The following SCN3A variants were observed in gnomAD, a reference collection of about 807,000 sequenced individuals.
The protein encoded by SCN3A is sodium voltage-gated channel alpha subunit 3.
SCN3A carries 60 observed loss-of-function variants against 187.6 expected under a neutral mutation model. The observed-to-expected ratio is 0.32, with a 90% CI of 0.26 to 0.40. The LOEUF is 0.40. Among genes scored for constraint, SCN3A ranks in the 10% least tolerant of loss-of-function variants. The pLI is 1.00. For missense variants in SCN3A, 1,601 were observed against 2,428.2 expected, an observed-to-expected ratio of 0.66 and a Z score of 7.16; for synonymous variants, 788 against 829.2, an observed-to-expected ratio of 0.95 and a Z score of 0.85.
At chr2:165,202,198 C>T (rs367567865) in intron 1 of SCN3A, among the ~76,000 whole-genome samples, 5 of 151,942 alleles carry the variant, frequency 3.3e-5, no homozygotes, top group African/African-American at 1.2e-4. Flanking sequence ...TTTGAAAGAG[C>T]GCATTTTGTG....
Position 165,112,918 on chromosome 2 carries a change from A to G in SCN3A, c.3810T>C (p.Asn1270=). Reference sequence around the variant, plus strand: ...TCAAGAAATCTAGCCAGCACCAGGCATTAGTGAAATATGTTTGAAATCCAT... The same window carrying G: ...TCAAGAAATCTAGCCAGCACCAGGCGTTAGTGAAATATGTTTGAAATCCAT... ...VAYGFQTYFT[N]AWCWLDFLIV... Residue 1270 remains asparagine, a synonymous_variant, in exon 21 of 28, where the codon AAT becomes AAC. Coordinates refer to ENST00000283254, the MANE Select transcript of SCN3A (RefSeq NM_006922.4). The G allele has an allele frequency of 1.2e-6, 2 of 1,613,610 alleles. No homozygotes were observed. Among genetic ancestry groups the G allele is most frequent in the Non-Finnish European group, 1.7e-6 (2 of 1,179,752 alleles).
chr2:165,202,584 G>C (rs1186478407), intron 1 of SCN3A, among the ~76,000 whole-genome samples: 1 of 151,894 alleles, frequency 6.6e-6, no homozygotes, highest in Admixed American at 6.6e-5. Context: ...TTTTTGGGGG[G>C]ACTATTATTG....
intron 11 of SCN3A, among the ~76,000 whole-genome samples, chr2:165,152,002 A>C (rs1688712232): frequency 6.6e-6 from 1 of 152,174 alleles, no homozygotes; most frequent in African/African-American, 2.4e-5. Context: ...CTGCCTAACA[A>C]ATTTTCAAAT....
At chr2:165,143,532 A>C (rs1477507925) in intron 12 of SCN3A, among the ~76,000 whole-genome samples, 1 of 152,224 alleles carries the variant, frequency 6.6e-6, no homozygotes, top group Non-Finnish European at 1.5e-5. Context: ...ACAGAGACGG[A>C]AAAAGAAGAT....
At position 165,138,100 on chromosome 2, in the gene SCN3A, G is replaced by A; in HGVS notation, c.2170C>T (p.Gln724Ter). Residue 724 changes from glutamine (Q) to a stop codon, truncating the protein, a stop_gained, in exon 15 of 28, where the codon CAG (glutamine) becomes TAG (stop). Transcript: ENST00000283254. LOFTEE classifies it high-confidence loss of function. Reference protein sequence around the residue: ...NTMEELEESRQKCPPCWYRFA... With the variant: ...NTMEELEESR ...CTATACCAGCATGGCGGACATTTCT[G>A]TCTAGATTCTTCAAGTTCTGGAGGG... 6.2e-7 allele frequency: 1 copy of A among 1,613,182 alleles called. No homozygotes were observed. Among genetic ancestry groups the A allele is most frequent in the Non-Finnish European group, 8.5e-7 (1 of 1,179,308 alleles).
At chr2:165,143,005 G>A (rs1254488897) in intron 12 of SCN3A, among the ~76,000 whole-genome samples, 1 of 152,014 alleles carries the variant, frequency 6.6e-6, no homozygotes, top group East Asian at 1.9e-4. Context: ...GCCCGCCCTG[G>A]CCTCCCAAAG....
rs1211789353 is a variant in SCN3A, at chr2:165,166,388, C to T, written c.474-1868G>A. Reference sequence around the variant, plus strand: ...CTTTCGTGGCTATGCCCACACTAGGCTCATAATCAAGCTGTCAATTCTGTC... The same window carrying T: ...CTTTCGTGGCTATGCCCACACTAGGTTCATAATCAAGCTGTCAATTCTGTC... On this transcript the variant is annotated intron_variant, in intron 5 of 27. Transcript: ENST00000283254. 3.6e-5 allele frequency among the ~76,000 whole-genome samples: 4 copies of T among 110,988 alleles called. No individual in the cohort carries two copies. In the East Asian group the frequency reaches 1.9e-3, roughly 53 times the overall value. The allele number at this position is 110,988 out of a possible 152,430, so 72.8% of individuals were successfully genotyped here.
At chr2:165,135,473 C>A (rs1181683511) in intron 15 of SCN3A, among the ~76,000 whole-genome samples, 2 of 152,048 alleles carry the variant, frequency 1.3e-5, no homozygotes, top group Admixed American at 1.3e-4. Context: ...ATAAACTAGT[C>A]TGTAGATATT....
At chr2:165,125,568 C>G (rs375155642) in intron 18 of SCN3A, among the ~76,000 whole-genome samples, 92 of 152,262 alleles carry the variant, frequency 6.0e-4, no homozygotes, top group African/African-American at 2.1e-3. Flanking sequence ...CCACTCGCCT[C>G]GGCCTCCCAA....
chr2:165,114,981 TA>T (rs1051898558), intron 19 of SCN3A, among the ~76,000 whole-genome samples: 1 of 152,246 alleles, frequency 6.6e-6, no homozygotes, highest in African/African-American at 2.4e-5. Flanking sequence ...ATTAACTTTT[TA>T]AAAGACAAAA....
rs938685287 is a variant in SCN3A, at chr2:165,090,153, C to T, written c.6000G>A (p.Lys2000=). The T allele has an allele frequency of 1.3e-6, 2 of 1,575,444 alleles. No individual in the cohort carries two copies. Among genetic ancestry groups the T allele is most frequent in the Non-Finnish European group, 1.7e-6 (2 of 1,156,626 alleles). ...AAAGATAATTCTTTGTTTCTTTTTA[C>T]TTTTGATTTTCTCTGACCTCTTTTC... ...SKGKEVRENQ[K] The change falls in exon 28 of 28, where the codon AAG becomes AAA. Residue 2000 remains lysine, a synonymous_variant. Coordinates refer to ENST00000283254, the MANE Select transcript of SCN3A (RefSeq NM_006922.4). This position sits in a 1 kb window ranked among gnomAD's most constrained non-coding sequence, Gnocchi z 4.0.
intron 3 of SCN3A, among the ~76,000 whole-genome samples, chr2:165,174,148 A>G (rs1330179809): frequency 2.6e-5 from 4 of 152,190 alleles, no homozygotes; most frequent in Admixed American, 2.6e-4. Context: ...ACCTCAAGCA[A>G]TCCTCCTGCC....
intron 18 of SCN3A, among the ~76,000 whole-genome samples, chr2:165,124,137 AGAG>A (rs1357564835): frequency 6.6e-6 from 1 of 152,106 alleles, no homozygotes; most frequent in Non-Finnish European, 1.5e-5. Context: ...TTAGCTTGAA[AGAG>A]GAGGATAAAG....
At chr2:165,100,258 C>T in intron 22 of SCN3A, 44 bp downstream of exon 22, 1 of 1,594,136 alleles carries the variant, frequency 6.3e-7, no homozygotes, top group Non-Finnish European at 8.6e-7. Flanking sequence ...TCATTACCTA[C>T]ATGTAATTTT....
intron 4 of SCN3A, among the ~76,000 whole-genome samples, chr2:165,169,308 T>C (rs1275990936): frequency 6.6e-6 from 1 of 152,104 alleles, no homozygotes; most frequent in Non-Finnish European, 1.5e-5. Context: ...TTTGTAGTGA[T>C]GTAACTTACT....
chr2:165,134,653 A>G lies in SCN3A; in HGVS notation c.2391+3226T>C, dbSNP rs1252727259. On this transcript the variant is annotated intron_variant, in intron 15 of 27. Coordinates refer to ENST00000283254, the MANE Select transcript of SCN3A (RefSeq NM_006922.4). ...ATGCCCATTGAAAAATATATTTTTC[A>G]TTTTATAGAATAACACATCAAAGAT... 3.3e-5 allele frequency among the ~76,000 whole-genome samples: 5 copies of G among 152,230 alleles called. No homozygotes were observed. In the South Asian group the frequency reaches 8.3e-4, roughly 25 times the overall value.
intron 1 of SCN3A, among the ~76,000 whole-genome samples, chr2:165,199,547 T>C (rs1692188125): frequency 6.6e-6 from 1 of 151,568 alleles, no homozygotes; most frequent in Non-Finnish European, 1.5e-5. Context: ...TCCTTTATCA[T>C]TTCAAATCCT....
intron 3 of SCN3A, among the ~76,000 whole-genome samples, chr2:165,173,031 A>G (rs1690205940): frequency 6.6e-6 from 1 of 152,170 alleles, no homozygotes; most frequent in East Asian, 1.9e-4. Flanking sequence ...GGAGAGATAG[A>G]TCGTCATTGC....
intron 11 of SCN3A, among the ~76,000 whole-genome samples, chr2:165,152,684 C>T (rs946627371): frequency 6.6e-6 from 1 of 152,072 alleles, no homozygotes; most frequent in African/African-American, 2.4e-5. Context: ...TTTACAGTCC[C>T]ACCAACAGTG....
Sources: gnomAD v4.1 joint callset for allele counts (sites outside exome capture counted in the v4.1 genomes callset) on GRCh38, gnomAD v4.1.1 for gene constraint, Gnocchi (gnomAD v3.1) non-coding constraint, MANE v1.5 for transcripts, NCBI Gene and HGNC (gene_info 2026-07-23, HGNC 2026-07-21) for gene names.